Variants in ARHGEF19 observed in about 807,000 individuals in gnomAD.
ARHGEF19 encodes the protein Rho guanine nucleotide exchange factor 19.
A neutral mutation model predicts 87.6 loss-of-function variants in ARHGEF19; 92 were observed. The observed-to-expected ratio is 1.05, with a 90% CI of 0.89 to 1.25. The LOEUF is 1.25. Among genes scored for constraint, ARHGEF19 ranks in the 50% most tolerant of loss-of-function variants. ARHGEF19 has a pLI of 0.00. For synonymous variants in ARHGEF19, 438 were observed against 446.2 expected, an observed-to-expected ratio of 0.98 and a Z score of 0.23; for missense variants, 1,054 against 1,051.8, an observed-to-expected ratio of 1.00 and a Z score of -0.03.
intron 14 of ARHGEF19, among the ~76,000 whole-genome samples, chr1:16,201,258 G>T (rs78926025): frequency 0.013 from 2,005 of 152,188 alleles, 38 homozygotes; most frequent in African/African-American, 0.046. Context: ...AGCTCCCTAG[G>T]GACACTATAG....
At chr1:16,208,313 G>A (rs2081165435) in intron 2 of ARHGEF19, 88 bp from the exon 3 acceptor site, 3 of 1,469,094 alleles carry the variant, frequency 2.0e-6, no homozygotes, top group South Asian at 2.6e-5. Flanking sequence ...AGCACCTGGG[G>A]AGGTTCAGGC....
At chr1:16,199,313 T>C in intron 14 of ARHGEF19, 59 bp from the exon 15 acceptor site, 1 of 1,455,226 alleles carries the variant, frequency 6.9e-7, no homozygotes, top group Non-Finnish European at 9.6e-7. Context: ...GGGAGGAGCA[T>C]GGGTAGGGCA....
rs2081061315 is a variant in ARHGEF19, at chr1:16,198,895, G to A, written c.2252-151C>T. The A allele has an allele frequency of 6.7e-6, 7 of 1,045,718 alleles. No homozygotes were observed. Among genetic ancestry groups the A allele is most frequent in the Non-Finnish European group, 8.2e-6 (6 of 733,440 alleles). 64.8% of individuals were successfully genotyped at this position (1,045,718 alleles called of 1,614,324 possible). A position where few individuals can be genotyped will look rare whatever the true frequency, so the allele number is the denominator to read the frequency against. On this transcript the variant is annotated intron_variant, in intron 15 of 15. Coordinates refer to ENST00000270747, the MANE Select transcript of ARHGEF19 (RefSeq NM_153213.5). The surrounding 1 kb of genome is among the most constrained non-coding windows in gnomAD (Gnocchi z 4.1). The stretch of plus-strand genomic sequence containing the variant: ...ATCTCTCAGCTCCAGGAAGGACCCT[G>A]TCTTGAGCTGTCTTGCAGATGAACT...
Position 16,206,905 on chromosome 1 carries a change from C to G in ARHGEF19, c.1137+43G>C, listed in dbSNP as rs1357866887. On this transcript the variant is annotated intron_variant, in intron 6 of 15. Coordinates refer to ENST00000270747, the MANE Select transcript of ARHGEF19 (RefSeq NM_153213.5). The surrounding 1 kb of genome is among the most constrained non-coding windows in gnomAD (Gnocchi z 4.6). ...CCGCTAAGTCCCCGGACCGCGTACTCCCCGGCCCGCCCCCGCCCCGCCGGG... is the reference window on the plus strand; with the variant it reads ...CCGCTAAGTCCCCGGACCGCGTACTGCCCGGCCCGCCCCCGCCCCGCCGGG... 1 of 1,421,356 alleles carries G rather than the reference C, an allele frequency of 7.0e-7. No homozygotes were observed. Among genetic ancestry groups the G allele is most frequent in the Admixed American group, 3.1e-5 (1 of 32,130 alleles). The allele number at this position is 1,421,356 out of a possible 1,614,324, so 88.0% of individuals were successfully genotyped here.
chr1:16,210,403 G>C (rs1343864974), intron 1 of ARHGEF19, among the ~76,000 whole-genome samples: 1 of 152,218 alleles, frequency 6.6e-6, no homozygotes, highest in Admixed American at 6.5e-5. Context: ...GCCCAGCCTG[G>C]CAGGACCAGG....
rs1246727694 is a variant in ARHGEF19 at position 16,206,077 on chromosome 1, C to T, written c.1305G>A (p.Leu435=). ...CCTCCAGCCGCTGCTCCAGGTCCTG[C>T]AGGAACCTGAGGAGTCAGAGCCAGG... is the stretch of plus-strand genomic sequence containing the variant. The part of the protein sequence containing the change: ...PEVKSTSERF[L]QDLEQRLEAD... The change falls in exon 8 of 16, where the codon CTG becomes CTA. Residue 435 remains leucine (L), a synonymous_variant. Transcript: ENST00000270747. The surrounding 1 kb of genome is among the most constrained non-coding windows in gnomAD (Gnocchi z 4.6). 1 of 1,579,884 alleles carries T rather than the reference C, an allele frequency of 6.3e-7. No homozygotes were observed. The highest frequency in any genetic ancestry group is 8.6e-7 in the Non-Finnish European group (1 of 1,162,556).
rs944755297 is a variant in ARHGEF19, at chr1:16,206,991, C to G, written c.1094G>C (p.Gly365Ala). The part of the protein sequence containing the change: ...WQDIPDVRGS[G>A]VLATLSLRDC... ...CCGCAGGCTCAGCGTGGCCAGGACG[C>G]CGCTGCCGCGTACGTCGGGGATATC... Residue 365 changes from glycine (G) to alanine (A), a missense_variant, in exon 6 of 16, where the codon GGC becomes GCC. Gly to Ala is a moderately conservative substitution (Grantham distance 60). Transcript: ENST00000270747. This position sits in a 1 kb window ranked among gnomAD's most constrained non-coding sequence, Gnocchi z 4.6. The G allele has an allele frequency of 6.6e-7, 1 of 1,516,240 alleles. No individual in the cohort carries two copies. 93.9% of individuals were successfully genotyped at this position (1,516,240 alleles called of 1,614,324 possible).
chr1:16,207,950 G>T lies in ARHGEF19; in HGVS notation c.688C>A (p.Arg230=), dbSNP rs776600208. ...LISGSGTGAA[R]EGKASGMEAR... is the part of the protein sequence containing the mutation. ...CCATGGGAGGAGCTGGTACCTTCCC[G>T]GGCTGCTCCGGTGCCTGACCCAGAG... Residue 230 remains arginine (R), a synonymous_variant, in exon 3 of 16, where the codon CGG becomes AGG. Transcript: ENST00000270747. This position sits in a 1 kb window ranked among gnomAD's most constrained non-coding sequence, Gnocchi z 4.0. 2.5e-6 allele frequency: 4 copies of T among 1,587,730 alleles called. No individual in the cohort carries two copies. In the Admixed American group the frequency reaches 5.2e-5, roughly 21 times the overall value.
At position 16,208,690 on chromosome 1, in the gene ARHGEF19, G is replaced by C; in HGVS notation, c.365C>G (p.Thr122Arg). 6.2e-7 allele frequency: 1 copy of C among 1,608,164 alleles called. No individual in the cohort carries two copies. Among genetic ancestry groups the C allele is most frequent in the African/African-American group, 1.3e-5 (1 of 74,780 alleles). ...GTGGCTGGCCCGGCGCTGTGGCTGT[G>C]TGTGTCGGGGACTCCAGGGTCCCTC... ...ALEGPWSPRHTQPQRRASHGS... is the reference protein window; with the variant it reads ...ALEGPWSPRHRQPQRRASHGS... Residue 122 changes from threonine to arginine, a missense_variant, in exon 2 of 16, where the codon ACA (threonine) becomes AGA (arginine). Physicochemically the swap from Thr to Arg is moderately conservative, Grantham distance 71. Coordinates refer to ENST00000270747, the MANE Select transcript of ARHGEF19 (RefSeq NM_153213.5).
chr1:16,201,734 G>A (rs747644797), intron 14 of ARHGEF19, 48 bp downstream of exon 14: 21 of 1,585,422 alleles, frequency 1.3e-5, no homozygotes, highest in Non-Finnish European at 1.4e-5. Context: ...GGAGGAGAGC[G>A]GGCGAGGGTC....
Position 16,198,726 on chromosome 1 carries a change from C to T in ARHGEF19, c.2270G>A (p.Arg757His), listed in dbSNP as rs368259205. ...CCACCCCTTCTCACCATCTGCCAGG[C>T]GGACCCCTTCCAGCCAGCCTAGGGA... ...WTSDGWLEGV[R>H]LADGEKGWVP... Residue 757 changes from arginine (R) to histidine (H), a missense_variant, in exon 16 of 16, where the codon CGC becomes CAC. By Grantham distance (29) the Arg-to-His change is conservative. Coordinates refer to ENST00000270747, the MANE Select transcript of ARHGEF19 (RefSeq NM_153213.5). This position sits in a 1 kb window ranked among gnomAD's most constrained non-coding sequence, Gnocchi z 4.1. 32 of 1,607,654 alleles carry T rather than the reference C, an allele frequency of 2.0e-5. No homozygotes were observed. In the South Asian group the frequency reaches 2.2e-4, roughly 11 times the overall value.
rs1221057336 is a variant in ARHGEF19 at position 16,209,062 on chromosome 1, T to A, written c.-8A>T. 2.1e-6 allele frequency: 3 copies of A among 1,463,402 alleles called. No individual in the cohort carries two copies. Among genetic ancestry groups the A allele is most frequent in the Non-Finnish European group, 2.7e-6 (3 of 1,108,356 alleles). The allele number at this position is 1,463,402 out of a possible 1,614,324, so 90.7% of individuals were successfully genotyped here. A position where few individuals can be genotyped will look rare whatever the true frequency, so the allele number is the denominator to read the frequency against. On this transcript the variant is annotated 5_prime_UTR_variant, in exon 2 of 16. Transcript: ENST00000270747. The stretch of plus-strand genomic sequence containing the variant: ...AGGTGGCCCACAGTCCATTCCTCTT[T>A]TGCTCTGCCACCCACCTGGCCCTGC...
Position 16,206,920 on chromosome 1 carries a change from G to A in ARHGEF19, c.1137+28C>T. ...ACCGCGTACTCCCCGGCCCGCCCCC[G>A]CCCCGCCGGGTCCCCGCGCGCGCCC... On this transcript the variant is annotated intron_variant, in intron 6 of 15. Transcript: ENST00000270747. The surrounding 1 kb of genome is among the most constrained non-coding windows in gnomAD (Gnocchi z 4.6). 1.7e-6 allele frequency: 2 copies of A among 1,210,772 alleles called. No homozygotes were observed. The highest frequency in any genetic ancestry group is 2.1e-6 in the Non-Finnish European group (2 of 970,908). 75.0% of individuals were successfully genotyped at this position (1,210,772 alleles called of 1,614,324 possible).
intron 1 of ARHGEF19, 78 bp from the exon 2 acceptor site, chr1:16,209,161 C>G (rs2100292468): frequency 8.7e-7 from 1 of 1,145,522 alleles, no homozygotes; most frequent in Non-Finnish European, 1.2e-6. Context: ...GAGGCCTGGA[C>G]AAACCCCTGT....
intron 12 of ARHGEF19, among the ~76,000 whole-genome samples, chr1:16,203,657 C>T (rs1367186639): frequency 1.3e-5 from 2 of 152,188 alleles, no homozygotes; most frequent in East Asian, 1.9e-4. Context: ...CCACATTAGG[C>T]TTCATGATTC....
rs1010320796 is a variant in ARHGEF19 at position 16,205,854 on chromosome 1, G to C, written c.1451+77C>G. Reference sequence around the variant, plus strand: ...CCCTCCCCTCCCAGAGTCACCTTACGTCACCCAGCCCTCAGTGCCTACACC... The same window carrying C: ...CCCTCCCCTCCCAGAGTCACCTTACCTCACCCAGCCCTCAGTGCCTACACC... On this transcript the variant is annotated intron_variant, in intron 8 of 15. Transcript: ENST00000270747. This position sits in a 1 kb window ranked among gnomAD's most constrained non-coding sequence, Gnocchi z 5.8. 4 of 1,526,564 alleles carry C rather than the reference G, an allele frequency of 2.6e-6. No individual in the cohort carries two copies. The highest frequency in any genetic ancestry group is 2.5e-5 in the South Asian group (2 of 81,582). 94.6% of individuals were successfully genotyped at this position (1,526,564 alleles called of 1,614,324 possible).
At position 16,208,101 on chromosome 1, in the gene ARHGEF19, C is replaced by T; in HGVS notation, c.537G>A (p.Glu179=). The T allele has an allele frequency of 6.2e-7, 1 of 1,614,082 alleles. No homozygotes were observed. Residue 179 remains glutamate (E), a synonymous_variant, in exon 3 of 16, where the codon GAG becomes GAA. Coordinates refer to ENST00000270747, the MANE Select transcript of ARHGEF19 (RefSeq NM_153213.5). ...GGCTCACTCGGGTGGACCCAGACAA[C>T]TCCACCCTGGGCTCCTCTGTGCTCA... The part of the protein sequence containing the change: ...QALSTEEPRV[E]LSGSTRVSLE...
Position 16,208,298 on chromosome 1 carries a change from C to T in ARHGEF19, c.413-73G>A, listed in dbSNP as rs547912539. ...ACCTCCTCCCTGCTGCTGCCCCTGG[C>T]CCTGAGCACCTGGGGAGGTTCAGGC... is the stretch of plus-strand genomic sequence containing the variant. On this transcript the variant is annotated intron_variant, in intron 2 of 15. Transcript: ENST00000270747. The T allele has an allele frequency of 8.6e-6, 13 of 1,511,930 alleles. 1 individual carries two copies. The Admixed American group carries it at 2.4e-4, about 28-fold the overall frequency. 93.7% of individuals were successfully genotyped at this position (1,511,930 alleles called of 1,614,324 possible).
chr1:16,203,391 T>C (rs2081099753), intron 12 of ARHGEF19, among the ~76,000 whole-genome samples: 1 of 152,120 alleles, frequency 6.6e-6, no homozygotes, highest in South Asian at 2.1e-4. Flanking sequence ...TGTCCTGTCT[T>C]TCCTCCTTAT....
Sources: allele counts gnomAD v4.1 joint callset (sites outside exome capture counted in the v4.1 genomes callset), GRCh38; gene constraint gnomAD v4.1.1; non-coding constraint Gnocchi (gnomAD v3.1); transcripts MANE v1.5; gene names NCBI Gene and HGNC (gene_info 2026-07-23, HGNC 2026-07-21).